The following ZNF407 variants were observed in gnomAD, a reference collection of about 807,000 sequenced individuals.
The protein encoded by ZNF407 is zinc finger protein 407.
Under a neutral mutation model 131.2 loss-of-function variants are expected in ZNF407, and 17 were observed. That is an observed-to-expected ratio of 0.13 (90% CI 0.09 to 0.19). ZNF407 has a LOEUF of 0.19. ZNF407 is among the 10% of genes least tolerant of loss of function. The pLI, the probability that ZNF407 is intolerant of heterozygous loss-of-function variation, is 1.00. For missense variants in ZNF407, 2,681 were observed against 2,830.6 expected, an observed-to-expected ratio of 0.95 and a Z score of 1.20; for synonymous variants, 1,156 against 1,062.0, an observed-to-expected ratio of 1.09 and a Z score of -1.72.
chr18:74,751,739 T>C (rs1473385934), intron 3 of ZNF407, among the ~76,000 whole-genome samples: 2 of 152,366 alleles, frequency 1.3e-5, no homozygotes, highest in African/African-American at 4.8e-5. Flanking sequence ...CCATGGTATG[T>C]ATGTGCCACA....
intron 7 of ZNF407, chr18:74,898,312 G>A (rs558932463): frequency 6.6e-5 from 10 of 152,184 alleles, no homozygotes; most frequent in Middle Eastern, 3.4e-3. Context: ...TTCTTAATTA[G>A]GGAATGTAGC....
chr18:74,610,023 C>T (rs913649104), intron 1 of ZNF407, among the ~76,000 whole-genome samples: 21 of 152,096 alleles, frequency 1.4e-4, no homozygotes, highest in African/African-American at 3.9e-4. Flanking sequence ...TTGTCCCAAC[C>T]GGAGCACATT....
chr18:75,012,286 T>TAGCAGGCTCTGGGG (rs1568300415), intron 8 of ZNF407, among the ~76,000 whole-genome samples: 14 of 111,102 alleles, frequency 1.3e-4, no homozygotes, highest in South Asian at 2.8e-4. Flanking sequence ...ACATAGTGTA[T>TAGCAGGCTCTGGGG]GTACACATAG....
Position 75,063,763 on chromosome 18 carries a change from C to T in ZNF407, c.6042C>T (p.Pro2014=), listed in dbSNP as rs369887612. ...GRAGLEEQGR[P]GAKDVLIQLP... ...CTGGGCTCGAGGAGCAAGGCAGGCCCGGCGCCAAAGACGTGCTGATCCAGC... is the reference window on the plus strand; with the variant it reads ...CTGGGCTCGAGGAGCAAGGCAGGCCTGGCGCCAAAGACGTGCTGATCCAGC... Residue 2014 remains proline, a synonymous_variant, in exon 9 of 9, where the codon CCC becomes CCT. Transcript: ENST00000299687. This position sits in a 1 kb window ranked among gnomAD's most constrained non-coding sequence, Gnocchi z 6.6. 1,655 of 1,611,208 alleles carry T rather than the reference C, an allele frequency of 1.0e-3. 28 individuals carry two copies. In the South Asian group the frequency reaches 0.017, roughly 16 times the overall value.
At chr18:74,603,482 A>G (rs1252204444) in intron 1 of ZNF407, among the ~76,000 whole-genome samples, 1 of 152,200 alleles carries the variant, frequency 6.6e-6, no homozygotes, top group Non-Finnish European at 1.5e-5. Flanking sequence ...TGACAACAGT[A>G]TCTTCTCTCT....
Position 74,633,788 on chromosome 18 carries a change from T to C in ZNF407, c.2769T>C (p.Pro923=), listed in dbSNP as rs751782342. The part of the protein sequence containing the change: ...GKHSSDIIVG[P]EGGSLEAGKK... ...ACAGTTCAGATATCATTGTTGGCCC[T>C]GAAGGGGGTAGCCTTGAAGCTGGTA... Residue 923 remains proline (P), a synonymous_variant, in exon 2 of 9, where the codon CCT becomes CCC. Transcript: ENST00000299687. The C allele has an allele frequency of 1.3e-5, 21 of 1,613,822 alleles. No individual in the cohort carries two copies. In the African/African-American group the frequency reaches 2.7e-4, roughly 21 times the overall value.
At chr18:74,839,239 T>A (rs1288322407) in intron 4 of ZNF407, among the ~76,000 whole-genome samples, 3 of 152,228 alleles carry the variant, frequency 2.0e-5, no homozygotes, top group Non-Finnish European at 4.4e-5. Flanking sequence ...TTCAAAATTA[T>A]TAAATTACTT....
chr18:74,982,963 A>AT (rs34226759), intron 8 of ZNF407, among the ~76,000 whole-genome samples: 2,646 of 152,092 alleles, frequency 0.017, 38 homozygotes, highest in South Asian at 0.053. Flanking sequence ...CTGAAAAAAA[A>AT]TTTTTTTCCT....
At chr18:75,008,140 T>A (rs560923034) in intron 8 of ZNF407, among the ~76,000 whole-genome samples, 5 of 152,154 alleles carry the variant, frequency 3.3e-5, no homozygotes, top group Admixed American at 6.5e-5. Context: ...AGACTTGATA[T>A]CACCTGTGGG....
At position 75,033,080 on chromosome 18, in the gene ZNF407, G is replaced by C. The variant is rs1209025820; in HGVS notation, c.5429-30070G>C. ...GGAAGATAGTATTAGATAACTAAGAGTGCTCGGAATGGGGGGAAGATAGCA... is the reference window on the plus strand; with the variant it reads ...GGAAGATAGTATTAGATAACTAAGACTGCTCGGAATGGGGGGAAGATAGCA... On this transcript the variant is annotated intron_variant, in intron 8 of 8. Coordinates refer to ENST00000299687, the MANE Select transcript of ZNF407 (RefSeq NM_017757.3). Among the ~76,000 whole-genome samples, 3 of 106,306 alleles carry C rather than the reference G, an allele frequency of 2.8e-5. No individual in the cohort carries two copies. The Admixed American group carries it at 3.4e-4, about 12-fold the overall frequency. 69.7% of individuals were successfully genotyped at this position (106,306 alleles called of 152,430 possible).
At chr18:74,837,391 G>T (rs907817840) in intron 4 of ZNF407, among the ~76,000 whole-genome samples, 9 of 151,586 alleles carry the variant, frequency 5.9e-5, no homozygotes, top group Admixed American at 5.9e-4. Context: ...AGATCATTCA[G>T]TGAGGCTTAC....
chr18:74,709,143 C>T (rs1171251791), intron 3 of ZNF407, among the ~76,000 whole-genome samples: 1 of 151,950 alleles, frequency 6.6e-6, no homozygotes, highest in Non-Finnish European at 1.5e-5. Flanking sequence ...AAATGTTTTC[C>T]AGTAAAACAA....
chr18:74,904,234 C>G (rs1435762414), intron 7 of ZNF407, among the ~76,000 whole-genome samples: 1 of 152,216 alleles, frequency 6.6e-6, no homozygotes, highest in Non-Finnish European at 1.5e-5. Context: ...TTTTATTTTA[C>G]TTCTATGAGC....
intron 3 of ZNF407, among the ~76,000 whole-genome samples, chr18:74,728,741 G>T (rs1968219824): frequency 6.6e-6 from 1 of 152,166 alleles, no homozygotes; most frequent in Non-Finnish European, 1.5e-5. Context: ...AGTGAATGCA[G>T]TTACCAGTGG....
chr18:74,894,610 A>G (rs1193380002), intron 7 of ZNF407, among the ~76,000 whole-genome samples: 1 of 152,088 alleles, frequency 6.6e-6, no homozygotes, highest in South Asian at 2.1e-4. Context: ...GCTTTTGTTT[A>G]TGTGAAACTT....
At chr18:74,871,543 A>C (rs1971087225) in intron 4 of ZNF407, among the ~76,000 whole-genome samples, 1 of 152,144 alleles carries the variant, frequency 6.6e-6, no homozygotes, top group African/African-American at 2.4e-5. Flanking sequence ...GTTTTACAGT[A>C]ATTTTTAGTC....
intron 7 of ZNF407, chr18:74,898,157 G>C (rs1481978191): frequency 6.6e-6 from 1 of 152,056 alleles, no homozygotes; most frequent in African/African-American, 2.4e-5. Context: ...AGCAGCTTAT[G>C]TATCAGCGTG....
chr18:74,921,375 T>G (rs1260547131), intron 8 of ZNF407, among the ~76,000 whole-genome samples: 1 of 152,224 alleles, frequency 6.6e-6, no homozygotes, highest in Non-Finnish European at 1.5e-5. Flanking sequence ...AGTGCCAAAT[T>G]CTGTGCAGAG....
Position 74,631,638 on chromosome 18 carries a change from T to C in ZNF407, c.619T>C (p.Ser207Pro), listed in dbSNP as rs1186219005. Residue 207 changes from serine to proline, a missense_variant, in exon 2 of 9, where the codon TCT becomes CCT. Ser to Pro is a moderately conservative substitution (Grantham distance 74). Around this residue, in one of 6 missense-constraint regions of ZNF407, gnomAD observed 1,789 missense variants for 1,748.7 expected, o/e 1.02. Coordinates refer to ENST00000299687, the MANE Select transcript of ZNF407 (RefSeq NM_017757.3). Reference sequence around the variant, plus strand: ...CTCTGACTTGGAAAAACATGCTGAGTCTCACATGCAGCAGCCTAAGGAACA... The same window carrying C: ...CTCTGACTTGGAAAAACATGCTGAGCCTCACATGCAGCAGCCTAAGGAACA... ...SCSDLEKHAE[S>P]HMQQPKEHTC... 6.2e-7 allele frequency: 1 copy of C among 1,613,618 alleles called. No individual in the cohort carries two copies. Among genetic ancestry groups the C allele is most frequent in the Non-Finnish European group, 8.5e-7 (1 of 1,179,870 alleles).
Sources: gnomAD v4.1 joint callset for allele counts (sites outside exome capture counted in the v4.1 genomes callset) on GRCh38, gnomAD v4.1.1 for gene constraint, gnomAD v4.1.1 regional missense constraint, Gnocchi (gnomAD v3.1) non-coding constraint, MANE v1.5 for transcripts, NCBI Gene and HGNC (gene_info 2026-07-23, HGNC 2026-07-21) for gene names.